CNTNAP2: variants seen among roughly 807,000 people sequenced by gnomAD.
The protein encoded by CNTNAP2 is contactin-associated protein-like 2.
Under a neutral mutation model 155.2 loss-of-function variants are expected in CNTNAP2, and 98 were observed. That is an observed-to-expected ratio of 0.63 (90% CI 0.54 to 0.75). The LOEUF (loss-of-function observed/expected upper bound fraction) is 0.75, where lower values mean the gene tolerates loss of function less well. Among genes scored for constraint, CNTNAP2 ranks in the 30% least tolerant of loss-of-function variants. CNTNAP2 has a pLI of 0.00. For synonymous variants in CNTNAP2, 651 were observed against 631.2 expected (o/e 1.03, Z -0.47); for missense variants, 1,727 against 1,688.1 (o/e 1.02, Z -0.40).
intron 11 of CNTNAP2, among the ~76,000 whole-genome samples, chr7:147,549,606 T>C (rs1488450337): frequency 6.6e-6 from 1 of 152,200 alleles, no homozygotes; most frequent in Non-Finnish European, 1.5e-5. Context: ...AGCCATTCTT[T>C]GAAGTAAAGG....
At chr7:146,622,243 A>G (rs369584812) in intron 1 of CNTNAP2, among the ~76,000 whole-genome samples, 1 of 144,332 alleles carries the variant, frequency 6.9e-6, no homozygotes, top group Non-Finnish European at 1.5e-5. Flanking sequence ...ATGTGTGTGT[A>G]TATCTATCTA....
At chr7:147,234,146 A>G (rs933103057) in intron 8 of CNTNAP2, among the ~76,000 whole-genome samples, 1 of 151,786 alleles carries the variant, frequency 6.6e-6, no homozygotes, top group Non-Finnish European at 1.5e-5. Flanking sequence ...CTCCTGATTC[A>G]TTTGCAAGTA....
In CNTNAP2 at chr7:148,251,468, GT is replaced by G. The variant is rs540619518; in HGVS notation, c.3382-15557del. Among the ~76,000 whole-genome samples, 306 of 151,694 alleles carry G rather than the reference GT, an allele frequency of 2.0e-3. 1 individual carries two copies. Among genetic ancestry groups the G allele is most frequent in the African/African-American group, 7.1e-3 (292 of 41,122 alleles). On this transcript the variant is annotated intron_variant, in intron 20 of 23. Coordinates refer to ENST00000361727, the MANE Select transcript of CNTNAP2 (RefSeq NM_014141.6). ...CATTTACTGAGCTTCGGTGTCCAAA[GT>G]TTTTTTTAGAGGTTTCATTACACAG...
Position 146,425,071 on chromosome 7 carries a change from C to T in CNTNAP2, c.97+308098C>T, listed in dbSNP as rs141031421. On this transcript the variant is annotated intron_variant, in intron 1 of 23. Coordinates refer to ENST00000361727, the MANE Select transcript of CNTNAP2 (RefSeq NM_014141.6). Reference sequence around the variant, plus strand: ...AATGTGATAGATCCACCATGACATCCGTAAACACAACACTAGATTTAAAAA... The same window carrying T: ...AATGTGATAGATCCACCATGACATCTGTAAACACAACACTAGATTTAAAAA... 2.3e-3 allele frequency among the ~76,000 whole-genome samples: 350 copies of T among 152,166 alleles called. 2 individuals are homozygous for T. Among genetic ancestry groups the T allele is most frequent in the African/African-American group, 7.9e-3 (326 of 41,500 alleles).
intron 1 of CNTNAP2, among the ~76,000 whole-genome samples, chr7:146,359,001 C>T (rs1458614352): frequency 6.6e-6 from 1 of 152,186 alleles, no homozygotes; most frequent in South Asian, 2.1e-4. Context: ...AAAGCAGCTG[C>T]TGTTATCTTC....
intron 8 of CNTNAP2, among the ~76,000 whole-genome samples, chr7:147,198,638 C>T (rs1802857594): frequency 6.6e-6 from 1 of 152,254 alleles, no homozygotes; most frequent in East Asian, 1.9e-4. Flanking sequence ...GTTTACCAAA[C>T]GAACTTTAAA....
chr7:146,966,563 G>C (rs1460412922), intron 3 of CNTNAP2, among the ~76,000 whole-genome samples: 1 of 152,146 alleles, frequency 6.6e-6, no homozygotes, highest in Non-Finnish European at 1.5e-5. Context: ...TTATATCTTT[G>C]AGCTACTATT....
At chr7:147,418,529 C>G (rs1414811423) in intron 10 of CNTNAP2, among the ~76,000 whole-genome samples, 1 of 152,146 alleles carries the variant, frequency 6.6e-6, no homozygotes, top group Non-Finnish European at 1.5e-5. Flanking sequence ...GAAAAATTTT[C>G]CTGCACCCTA....
chr7:146,775,181 A>G (rs1267206187), intron 2 of CNTNAP2, among the ~76,000 whole-genome samples: 2 of 152,062 alleles, frequency 1.3e-5, no homozygotes, highest in African/African-American at 4.8e-5. Flanking sequence ...AAAAATTGAG[A>G]TATCTGTTAA....
At chr7:146,399,273 T>G (rs548472315) in intron 1 of CNTNAP2, among the ~76,000 whole-genome samples, 2 of 152,294 alleles carry the variant, frequency 1.3e-5, no homozygotes, top group South Asian at 4.1e-4. Context: ...TTGAACTTAT[T>G]CCCATTGTCT....
chr7:146,664,423 A>T (rs1800151734), intron 1 of CNTNAP2, among the ~76,000 whole-genome samples: 2 of 151,966 alleles, frequency 1.3e-5, no homozygotes, highest in South Asian at 4.2e-4. Flanking sequence ...AGCCTCCCAA[A>T]GTGCTGGGAT....
chr7:146,571,373 C>T (rs1262399377), intron 1 of CNTNAP2, among the ~76,000 whole-genome samples: 4 of 151,706 alleles, frequency 2.6e-5, no homozygotes, highest in African/African-American at 9.7e-5. Context: ...GCTATGTTTT[C>T]AGATAAAAAT....
intron 13 of CNTNAP2, among the ~76,000 whole-genome samples, chr7:147,794,830 T>C (rs1170045768): frequency 6.6e-6 from 1 of 151,876 alleles, no homozygotes; most frequent in Non-Finnish European, 1.5e-5. Flanking sequence ...AGTTTGTATT[T>C]TTTTAGGAAT....
At chr7:146,602,706 ATAT>A (rs2129152111) in intron 1 of CNTNAP2, among the ~76,000 whole-genome samples, 1 of 152,320 alleles carries the variant, frequency 6.6e-6, no homozygotes, top group African/African-American at 2.4e-5. Context: ...AGGGTAAAAA[ATAT>A]TATACTAAAG....
chr7:147,878,765 G>A (rs561957588), intron 13 of CNTNAP2, among the ~76,000 whole-genome samples: 1 of 152,166 alleles, frequency 6.6e-6, no homozygotes, highest in Non-Finnish European at 1.5e-5. Context: ...TTCAACATGA[G>A]ATAGTTTTCT....
intron 1 of CNTNAP2, among the ~76,000 whole-genome samples, chr7:146,716,303 A>G (rs1446151431): frequency 6.6e-6 from 1 of 151,790 alleles, no homozygotes; most frequent in Non-Finnish European, 1.5e-5. Flanking sequence ...TAATTGAGTG[A>G]CCTTATACAT....
chr7:147,145,096 TTC>T (rs1437806205), intron 8 of CNTNAP2, among the ~76,000 whole-genome samples: 4 of 152,236 alleles, frequency 2.6e-5, no homozygotes, highest in African/African-American at 9.6e-5. Flanking sequence ...AGTGTTTGAT[TTC>T]TTTCATTCCT....
At chr7:147,101,109 A>G (rs1800643793) in intron 4 of CNTNAP2, among the ~76,000 whole-genome samples, 1 of 152,182 alleles carries the variant, frequency 6.6e-6, no homozygotes, top group African/African-American at 2.4e-5. Flanking sequence ...TTTGCGAGGA[A>G]TTCAATCCGT....
At chr7:147,986,481 A>T (rs1801619261) in intron 15 of CNTNAP2, among the ~76,000 whole-genome samples, 2 of 152,214 alleles carry the variant, frequency 1.3e-5, no homozygotes. Context: ...CAAGAATCAC[A>T]GTGTCCTAAC....
Sources: gnomAD v4.1 joint callset for allele counts (sites outside exome capture counted in the v4.1 genomes callset) on GRCh38, gnomAD v4.1.1 for gene constraint, MANE v1.5 for transcripts, NCBI Gene and HGNC (gene_info 2026-07-23, HGNC 2026-07-21) for gene names.